The following FMNL2 variants were observed in gnomAD, a reference collection of about 807,000 sequenced individuals.
FMNL2 encodes formin like 2.
FMNL2 carries 51 observed loss-of-function variants against 130.2 expected under a neutral mutation model. The ratio of observed to expected loss-of-function variants is 0.39; its 90% CI spans 0.31 to 0.49. The LOEUF is 0.49. Ranked by LOEUF, FMNL2 falls within the 20% of genes least tolerant of loss-of-function variation. FMNL2 has a pLI of 0.85. For synonymous variants in FMNL2, 465 were observed against 467.1 expected (o/e 1.00, Z 0.06); for missense variants, 977 against 1,316.2 (o/e 0.74, Z 3.99).
intron 1 of FMNL2, among the ~76,000 whole-genome samples, chr2:152,517,720 A>G (rs933062170): frequency 6.6e-6 from 1 of 152,250 alleles, no homozygotes; most frequent in South Asian, 2.1e-4. Flanking sequence ...AACAATAATT[A>G]ACATCCACTG....
chr2:152,346,572 T>C (rs1184807467), intron 1 of FMNL2, among the ~76,000 whole-genome samples: 2 of 151,872 alleles, frequency 1.3e-5, no homozygotes, highest in South Asian at 2.1e-4. Context: ...GGTGGGAGAA[T>C]TGCTTGAGCC....
At chr2:152,409,704 T>G (rs916646827) in intron 1 of FMNL2, among the ~76,000 whole-genome samples, 2 of 152,326 alleles carry the variant, frequency 1.3e-5, no homozygotes, top group East Asian at 3.9e-4. Flanking sequence ...ACGATGAAGC[T>G]GATGATGGCA....
intron 2 of FMNL2, among the ~76,000 whole-genome samples, chr2:152,535,177 C>A (rs941055710): frequency 6.6e-6 from 1 of 151,992 alleles, no homozygotes; most frequent in Non-Finnish European, 1.5e-5. Context: ...CCATTTAGAT[C>A]CTTTGTGCAA....
At chr2:152,461,487 A>ATTTTCATACCACATTTGTTCC (rs1689247438) in intron 1 of FMNL2, among the ~76,000 whole-genome samples, 1 of 152,226 alleles carries the variant, frequency 6.6e-6, no homozygotes, top group Admixed American at 6.5e-5. Context: ...AGAGTCAAAA[A>ATTTTCATACCACATTTGTTCC]AGTAGATTCA....
chr2:152,516,541 T>C (rs1162761707), intron 1 of FMNL2, among the ~76,000 whole-genome samples: 2 of 152,206 alleles, frequency 1.3e-5, no homozygotes, highest in Non-Finnish European at 2.9e-5. Flanking sequence ...GCTTGTGAGT[T>C]TTAATTTAGA....
At chr2:152,605,465 C>T (rs913074588) in intron 9 of FMNL2, among the ~76,000 whole-genome samples, 3 of 152,074 alleles carry the variant, frequency 2.0e-5, no homozygotes, top group Non-Finnish European at 2.9e-5. Flanking sequence ...ACTACAGGTG[C>T]GTGCCACTGC....
intron 10 of FMNL2, among the ~76,000 whole-genome samples, chr2:152,608,372 G>GA (rs869229242): frequency 4.2e-5 from 1 of 24,064 alleles, no homozygotes; most frequent in African/African-American, 1.2e-4. Flanking sequence ...AAAAAAAAAA[G>GA]AAAAAAAAAA....
At chr2:152,338,340 A>G (rs1460690948) in intron 1 of FMNL2, among the ~76,000 whole-genome samples, 2 of 152,198 alleles carry the variant, frequency 1.3e-5, no homozygotes, top group African/African-American at 4.8e-5. Flanking sequence ...GACTGTTTCA[A>G]GCTAGGAGAA....
intron 9 of FMNL2, among the ~76,000 whole-genome samples, chr2:152,582,651 T>C (rs1055764262): frequency 2.6e-5 from 4 of 152,224 alleles, no homozygotes; most frequent in African/African-American, 9.6e-5. Flanking sequence ...TCTGTGAATG[T>C]TTTTATATAT....
chr2:152,454,090 A>G (rs1688810250), intron 1 of FMNL2, among the ~76,000 whole-genome samples: 1 of 152,054 alleles, frequency 6.6e-6, no homozygotes, highest in Non-Finnish European at 1.5e-5. Context: ...CCTGGCCAAC[A>G]TGGTGAAACC....
At chr2:152,612,488 C>G (rs1698739332) in intron 11 of FMNL2, among the ~76,000 whole-genome samples, 1 of 152,180 alleles carries the variant, frequency 6.6e-6, no homozygotes, top group Non-Finnish European at 1.5e-5. Context: ...CCACTGCACT[C>G]CAGCTTGGGT....
intron 15 of FMNL2, chr2:152,625,146 G>A (rs1681691356): frequency 3.1e-6 from 1 of 321,714 alleles, no homozygotes; most frequent in East Asian, 4.7e-5. Context: ...TCCTAATATT[G>A]TAACTGTAAT....
At chr2:152,600,652 C>T (rs1698000599) in intron 9 of FMNL2, among the ~76,000 whole-genome samples, 1 of 152,172 alleles carries the variant, frequency 6.6e-6, no homozygotes, top group Admixed American at 6.5e-5. Flanking sequence ...CCTTTGCCTC[C>T]AGGGTCCCAG....
intron 9 of FMNL2, among the ~76,000 whole-genome samples, chr2:152,599,437 T>TTTTA (rs1553484499): frequency 2.9e-4 from 39 of 132,290 alleles, no homozygotes; most frequent in Non-Finnish European, 5.5e-4. Context: ...TTTTTTTTTT[T>TTTTA]AGAGAGGTAG....
chr2:152,357,015 TATA>T lies in FMNL2; in HGVS notation c.117+21298_117+21300del, dbSNP rs570337644. 2.8e-4 allele frequency among the ~76,000 whole-genome samples: 42 copies of T among 148,668 alleles called. 1 individual carries two copies. The highest frequency in any genetic ancestry group is 1.0e-3 in the African/African-American group (41 of 40,946). ...CGATAAATATTAAATAAGTTTAATA[TATA>T]ATGATAAATATTACATAAGTTTAAT... On this transcript the variant is annotated intron_variant, in intron 1 of 25. Coordinates refer to ENST00000288670, the MANE Select transcript of FMNL2 (RefSeq NM_052905.4).
chr2:152,591,200 G>C lies in FMNL2; in HGVS notation c.876+10151G>C, dbSNP rs1480469417. 3.3e-5 allele frequency among the ~76,000 whole-genome samples: 5 copies of C among 151,492 alleles called. 1 individual carries two copies. The highest frequency in any genetic ancestry group is 1.9e-4 in the East Asian group (1 of 5,148). On this transcript the variant is annotated intron_variant, in intron 9 of 25. Transcript: ENST00000288670. ...ATTTTTTTGTATTTTTAGTAGAGAT[G>C]GGGTTTCACCATATTGGCCAGACTG... is the stretch of plus-strand genomic sequence containing the variant.
intron 1 of FMNL2, among the ~76,000 whole-genome samples, chr2:152,507,020 G>A (rs1251234732): frequency 6.6e-6 from 1 of 152,124 alleles, no homozygotes; most frequent in Non-Finnish European, 1.5e-5. Flanking sequence ...AAACAGTTTC[G>A]CAAAGGTAAG....
chr2:152,583,385 T>G (rs142227234), intron 9 of FMNL2, among the ~76,000 whole-genome samples: 1 of 152,226 alleles, frequency 6.6e-6, no homozygotes, highest in Admixed American at 6.5e-5. Context: ...TGAATTCAAG[T>G]ATGAGTTAGA....
At chr2:152,385,941 CT>C in intron 1 of FMNL2, among the ~76,000 whole-genome samples, 1 of 152,254 alleles carries the variant, frequency 6.6e-6, no homozygotes, top group Admixed American at 6.5e-5. Context: ...CTTGATTTAT[CT>C]TTCTTTCACC....
Sources: gnomAD v4.1 joint callset for allele counts (sites outside exome capture counted in the v4.1 genomes callset) on GRCh38, gnomAD v4.1.1 for gene constraint, MANE v1.5 for transcripts, NCBI Gene and HGNC (gene_info 2026-07-23, HGNC 2026-07-21) for gene names.